OSTM1: variants seen among roughly 807,000 people sequenced by gnomAD.
OSTM1 encodes the protein osteoclastogenesis associated transmembrane protein 1.
Under a neutral mutation model 35.4 loss-of-function variants are expected in OSTM1, and 26 were observed. The ratio of observed to expected loss-of-function variants is 0.73; its 90% CI spans 0.54 to 1.02. The LOEUF (loss-of-function observed/expected upper bound fraction) is 1.02, where lower values mean the gene tolerates loss of function less well. Among genes scored for constraint, OSTM1 ranks in the 50% least tolerant of loss-of-function variants. The probability of loss-of-function intolerance (pLI) is 0.00; values close to 1 mark genes in which losing one functional copy is unlikely to be tolerated. For missense variants in OSTM1, 366 were observed against 409.6 expected (o/e 0.89, Z 0.92); for synonymous variants, 181 against 165.0 (o/e 1.10, Z -0.75).
At chr6:108,063,952 A>G (rs1772334423) in intron 2 of OSTM1, among the ~76,000 whole-genome samples, 1 of 152,242 alleles carries the variant, frequency 6.6e-6, no homozygotes, top group Non-Finnish European at 1.5e-5. Context: ...GGCAGAGCTT[A>G]GAATCAAACC....
In OSTM1 at chr6:108,049,597, C is replaced by T. The variant is rs1772041570; in HGVS notation, c.784-179G>A. On this transcript the variant is annotated intron_variant, in intron 4 of 5. Transcript: ENST00000193322. ...CAGGAAAAAAACCTGGTTCAAAATA[C>T]AGTCATTGTAGAAATTTATATCCAT... 4.3e-6 allele frequency: 6 copies of T among 1,408,634 alleles called. No individual in the cohort carries two copies. The South Asian group carries it at 6.2e-5, about 15-fold the overall frequency. 87.3% of individuals were successfully genotyped at this position (1,408,634 alleles called of 1,614,324 possible).
chr6:108,057,333 T>G (rs1772186322), intron 2 of OSTM1, among the ~76,000 whole-genome samples: 1 of 152,210 alleles, frequency 6.6e-6, no homozygotes, highest in Admixed American at 6.5e-5. Flanking sequence ...TACATAGTTT[T>G]TGTACATGTT....
At chr6:108,049,497 T>G (rs1245218048) in intron 4 of OSTM1, 79 bp from the exon 5 acceptor site, 13 of 1,585,272 alleles carry the variant, frequency 8.2e-6, no homozygotes, top group Non-Finnish European at 7.7e-6. Flanking sequence ...TGCTAATAAC[T>G]AAACAGGAAT....
intron 2 of OSTM1, among the ~76,000 whole-genome samples, chr6:108,063,216 C>T (rs1260175275): frequency 6.6e-6 from 1 of 152,034 alleles, no homozygotes; most frequent in Non-Finnish European, 1.5e-5. Flanking sequence ...ATGGGGGTCT[C>T]ACTATGTTCC....
chr6:108,058,889 T>C (rs1349151086), intron 2 of OSTM1, among the ~76,000 whole-genome samples: 1 of 152,242 alleles, frequency 6.6e-6, no homozygotes, highest in East Asian at 1.9e-4. Flanking sequence ...TGAAAGTTAG[T>C]TTTCCTCTGA....
chr6:108,047,890 A>G (rs1164768034), intron 5 of OSTM1, among the ~76,000 whole-genome samples: 1 of 152,252 alleles, frequency 6.6e-6, no homozygotes, highest in Non-Finnish European at 1.5e-5. Flanking sequence ...ATAGATTAGC[A>G]AGGCAAATAA....
intron 1 of OSTM1, among the ~76,000 whole-genome samples, chr6:108,070,596 T>A (rs572196955): frequency 4.6e-5 from 7 of 152,208 alleles, no homozygotes; most frequent in Non-Finnish European, 7.4e-5. Context: ...ACAAAATACA[T>A]TACACTGGAT....
At chr6:108,067,794 C>T (rs1212465747) in intron 1 of OSTM1, among the ~76,000 whole-genome samples, 6 of 141,844 alleles carry the variant, frequency 4.2e-5, no homozygotes, top group Non-Finnish European at 9.0e-5. Flanking sequence ...TTGTGCCATG[C>T]ACTCCAGCTT....
intron 1 of OSTM1, among the ~76,000 whole-genome samples, chr6:108,074,029 A>G (rs1241950206): frequency 2.6e-5 from 4 of 152,248 alleles, no homozygotes; most frequent in African/African-American, 9.6e-5. Flanking sequence ...AATCACACCT[A>G]TATGAACCAA....
Position 108,042,414 on chromosome 6 carries a change from C to CTTTTTTTT in OSTM1, c.*2363_*2370dup, listed in dbSNP as rs58798743. The stretch of plus-strand genomic sequence containing the variant: ...TAAGACAGACAGTACTTTCTTTTTT[C>CTTTTTTTT]TTTTTTTTTTTTTTTTTTTGAGACA... On this transcript the variant is annotated 3_prime_UTR_variant, in exon 6 of 6. Coordinates refer to ENST00000193322, the MANE Select transcript of OSTM1 (RefSeq NM_014028.4). 35 of 129,288 alleles carry CTTTTTTTT rather than the reference C, an allele frequency of 2.7e-4. No homozygotes were observed. The highest frequency in any genetic ancestry group is 7.6e-4 in the South Asian group (3 of 3,922). 8.0% of individuals were successfully genotyped at this position (129,288 alleles called of 1,614,324 possible).
At position 108,049,313 on chromosome 6, in the gene OSTM1, C is replaced by T. The variant is rs144286164; in HGVS notation, c.889G>A (p.Val297Ile). Residue 297 changes from valine (V) to isoleucine (I), a missense_variant, in exon 5 of 6, where the codon GTT (valine) becomes ATT (isoleucine). Transcript: ENST00000193322. Reference protein sequence around the residue: ...AVSVFILFLPVVFYLSSFLHS... With the variant: ...AVSVFILFLPIVFYLSSFLHS... ...AGAAAGCTACTAAGGTAGAAGACAA[C>T]AGGTAGAAAGAGAATGAACACAGAA... The T allele has an allele frequency of 4.5e-5, 72 of 1,612,958 alleles. No individual in the cohort carries two copies. The African/African-American group carries it at 9.2e-4, about 21-fold the overall frequency.
rs946387591 is a variant in OSTM1, at chr6:108,074,304, G to A, written c.348C>T (p.Tyr116=). Residue 116 remains tyrosine, a synonymous_variant, in exon 1 of 6, where the codon TAC becomes TAT. Transcript: ENST00000193322. ...TGCTGACGACCTGTTGGAAGAGGGG[G>A]TAGCAGGTCTGACAGAGGCGCACGG... The part of the protein sequence containing the change: ...ARPVRLCQTC[Y]PLFQQVVSKM... 1 of 1,612,440 alleles carries A rather than the reference G, an allele frequency of 6.2e-7. No homozygotes were observed. The highest frequency in any genetic ancestry group is 1.7e-5 in the Admixed American group (1 of 59,986).
chr6:108,053,927 C>T (rs185180508), intron 3 of OSTM1, among the ~76,000 whole-genome samples: 4 of 152,312 alleles, frequency 2.6e-5, no homozygotes, highest in African/African-American at 7.2e-5. Flanking sequence ...GTTCCAACCT[C>T]GTCCTTCACC....
At chr6:108,069,169 A>C (rs1772437491) in intron 1 of OSTM1, among the ~76,000 whole-genome samples, 1 of 152,218 alleles carries the variant, frequency 6.6e-6, no homozygotes, top group African/African-American at 2.4e-5. Flanking sequence ...ACATGAATTA[A>C]ATAATTATTT....
At chr6:108,069,980 G>C (rs2114611720) in intron 1 of OSTM1, among the ~76,000 whole-genome samples, 1 of 152,138 alleles carries the variant, frequency 6.6e-6, no homozygotes, top group South Asian at 2.1e-4. Context: ...TAGAAAGAAT[G>C]CCTTGAGATT....
rs1469172555 is a variant in OSTM1, at chr6:108,044,079, A to G, written c.*706T>C. ...AAATAATCCATATTGCCCTGAATATAATAAAGCAATCCAGTGATTTTTAAA... is the reference window on the plus strand; with the variant it reads ...AAATAATCCATATTGCCCTGAATATGATAAAGCAATCCAGTGATTTTTAAA... On this transcript the variant is annotated 3_prime_UTR_variant, in exon 6 of 6. Coordinates refer to ENST00000193322, the MANE Select transcript of OSTM1 (RefSeq NM_014028.4). The G allele has an allele frequency of 6.6e-6, 1 of 152,636 alleles. No individual in the cohort carries two copies. The highest frequency in any genetic ancestry group is 6.5e-5 in the Admixed American group (1 of 15,272). 9.5% of individuals were successfully genotyped at this position (152,636 alleles called of 1,614,324 possible). A position where few individuals can be genotyped will look rare whatever the true frequency, so the allele number is the denominator to read the frequency against.
At chr6:108,067,526 A>G (rs1450575785) in intron 1 of OSTM1, among the ~76,000 whole-genome samples, 1 of 151,674 alleles carries the variant, frequency 6.6e-6, no homozygotes, top group African/African-American at 2.4e-5. Flanking sequence ...GGGACAGGGG[A>G]ATGGAAAGAA....
chr6:108,064,086 T>C lies in OSTM1; in HGVS notation c.517+99A>G, dbSNP rs1461967534. The C allele has an allele frequency of 1.4e-5, 10 of 729,300 alleles. 1 individual carries two copies. Among genetic ancestry groups the C allele is most frequent in the Middle Eastern group, 4.7e-4 (2 of 4,274 alleles). 45.2% of individuals were successfully genotyped at this position (729,300 alleles called of 1,614,324 possible). ...TTTATTTAAACTTAGCAATAAAAAGTATTATCCAGCTTCAAAGATCCCAAA... is the reference window on the plus strand; with the variant it reads ...TTTATTTAAACTTAGCAATAAAAAGCATTATCCAGCTTCAAAGATCCCAAA... On this transcript the variant is annotated intron_variant, in intron 2 of 5. Coordinates refer to ENST00000193322, the MANE Select transcript of OSTM1 (RefSeq NM_014028.4).
intron 2 of OSTM1, among the ~76,000 whole-genome samples, chr6:108,061,782 A>G (rs1231901175): frequency 1.3e-5 from 2 of 151,978 alleles, no homozygotes; most frequent in African/African-American, 4.8e-5. Context: ...GGCTCAAGCA[A>G]TACTACCATC....
Sources: gnomAD v4.1 joint callset for allele counts (sites outside exome capture counted in the v4.1 genomes callset) on GRCh38, gnomAD v4.1.1 for gene constraint, MANE v1.5 for transcripts, NCBI Gene and HGNC (gene_info 2026-07-23, HGNC 2026-07-21) for gene names.